The following SPECC1 variants were observed in gnomAD, a reference collection of about 807,000 sequenced individuals.
SPECC1 encodes sperm antigen with calponin homology and coiled-coil domains 1.
Under a neutral mutation model 104.1 loss-of-function variants are expected in SPECC1, and 62 were observed. That is an observed-to-expected ratio of 0.60 (90% CI 0.49 to 0.74). The LOEUF (loss-of-function observed/expected upper bound fraction) is 0.74. Among genes scored for constraint, SPECC1 ranks in the 30% least tolerant of loss-of-function variants. The pLI, the probability that SPECC1 is intolerant of heterozygous loss-of-function variation, is 0.00. For missense variants in SPECC1, 1,306 were observed against 1,310.5 expected (o/e 1.00, Z 0.05); for synonymous variants, 513 against 501.6 (o/e 1.02, Z -0.30).
chr17:20,096,488 A>G, intron 1 of SPECC1, 143 bp from the exon 2 acceptor site: 1 of 974,962 alleles, frequency 1.0e-6, no homozygotes. Flanking sequence ...CCATCTTAGG[A>G]ATATTCTATT....
intron 1 of SPECC1, chr17:20,017,667 G>A (rs1433574703): frequency 6.6e-6 from 1 of 152,144 alleles, no homozygotes; most frequent in East Asian, 1.9e-4. Context: ...GCAAATACAA[G>A]CAAATATGAA....
intron 1 of SPECC1, among the ~76,000 whole-genome samples, chr17:20,035,142 A>T (rs1183462445): frequency 6.6e-6 from 1 of 152,164 alleles, no homozygotes; most frequent in Non-Finnish European, 1.5e-5. Flanking sequence ...GGTTGCATTG[A>T]TCTATAGCTG....
chr17:20,157,160 G>A (rs915740818), intron 3 of SPECC1, among the ~76,000 whole-genome samples: 5 of 152,182 alleles, frequency 3.3e-5, no homozygotes, highest in Middle Eastern at 6.3e-3. Context: ...GTAGGACGCT[G>A]GGTCGTCCTG....
At chr17:20,162,389 G>A (rs987209058) in intron 3 of SPECC1, among the ~76,000 whole-genome samples, 1 of 151,822 alleles carries the variant, frequency 6.6e-6, no homozygotes, top group Non-Finnish European at 1.5e-5. Flanking sequence ...ATTGTGATCC[G>A]CCCACCTTGG....
At chr17:20,247,846 C>T (rs2039482226) in intron 9 of SPECC1, among the ~76,000 whole-genome samples, 2 of 152,154 alleles carry the variant, frequency 1.3e-5, no homozygotes, top group South Asian at 4.1e-4. Context: ...TCAGAGATGA[C>T]TGTAGTTAAG....
intron 1 of SPECC1, among the ~76,000 whole-genome samples, chr17:20,042,679 T>C (rs2045380295): frequency 1.3e-5 from 2 of 152,236 alleles, no homozygotes; most frequent in African/African-American, 4.8e-5. Flanking sequence ...GTGTTCCATC[T>C]CATTAGACTG....
intron 3 of SPECC1, among the ~76,000 whole-genome samples, chr17:20,186,561 G>C (rs535501239): frequency 6.6e-5 from 10 of 152,280 alleles, no homozygotes; most frequent in Non-Finnish European, 8.8e-5. Flanking sequence ...CGTGATTTTT[G>C]TATGTATGTA....
At chr17:20,054,338 C>T (rs1017726033) in intron 1 of SPECC1, among the ~76,000 whole-genome samples, 2 of 152,208 alleles carry the variant, frequency 1.3e-5, no homozygotes, top group African/African-American at 4.8e-5. Context: ...GCAGGGTGTT[C>T]AGCCATCAAA....
chr17:20,301,678 C>T (rs772139192), intron 13 of SPECC1, among the ~76,000 whole-genome samples: 4 of 152,084 alleles, frequency 2.6e-5, no homozygotes, highest in Admixed American at 6.5e-5. Context: ...GTGCGATTTA[C>T]AGTCCATGAA....
At position 20,147,758 on chromosome 17, in the gene SPECC1, AG is replaced by A. The variant is rs372142310; in HGVS notation, c.283+37199del. Among the ~76,000 whole-genome samples the A allele has an allele frequency of 4.6e-5, 7 of 152,354 alleles. No individual in the cohort carries two copies. In the East Asian group the frequency reaches 9.6e-4, roughly 21 times the overall value. Reference sequence around the variant, plus strand: ...TGTATTATTTAAAAATGATAGAGACAGGGTGCAATGGCTCATGCTATAATCC... The same window carrying A: ...TGTATTATTTAAAAATGATAGAGACAGGTGCAATGGCTCATGCTATAATCC... On this transcript the variant is annotated intron_variant, in intron 3 of 14. Coordinates refer to ENST00000395527, the MANE Select transcript of SPECC1 (RefSeq NM_001243439.2).
intron 1 of SPECC1, among the ~76,000 whole-genome samples, chr17:20,063,288 G>A (rs1466337299): frequency 6.6e-6 from 1 of 152,106 alleles, no homozygotes; most frequent in Non-Finnish European, 1.5e-5. Flanking sequence ...CTGTTGGACT[G>A]TTTGTTTCTT....
In SPECC1 at chr17:20,314,710, CAA is replaced by C; in HGVS notation, c.*646_*647del. On this transcript the variant is annotated 3_prime_UTR_variant, in exon 15 of 15. Transcript: ENST00000395527. ...TCCCCCCTCCCCCCCCAAAAAAAAA[CAA>C]CAAAACACAAAAAATAAACATTTGT... 8.8e-6 allele frequency: 1 copy of C among 113,266 alleles called. No individual in the cohort carries two copies. Among genetic ancestry groups the C allele is most frequent in the East Asian group, 1.4e-4 (1 of 7,352 alleles). The allele number at this position is 113,266 out of a possible 1,614,324, so 7.0% of individuals were successfully genotyped here.
chr17:20,302,289 C>T (rs2041614775), intron 13 of SPECC1, among the ~76,000 whole-genome samples: 2 of 152,178 alleles, frequency 1.3e-5, no homozygotes, highest in Admixed American at 1.3e-4. Context: ...ACTGGAAGGT[C>T]CCAGGCCTGC....
intron 1 of SPECC1, among the ~76,000 whole-genome samples, chr17:20,064,449 G>A (rs35191778): frequency 0.29 from 43,972 of 152,154 alleles, 6,872 homozygotes; most frequent in Middle Eastern, 0.43. Context: ...AAATGCAAAT[G>A]TATGCATAGC....
At chr17:20,260,493 T>A (rs2039987325) in intron 12 of SPECC1, among the ~76,000 whole-genome samples, 199 bp downstream of exon 12, 2 of 152,204 alleles carry the variant, frequency 1.3e-5, no homozygotes. Context: ...CAAATGCAAC[T>A]GAAAAACGGT....
intron 1 of SPECC1, among the ~76,000 whole-genome samples, chr17:20,050,383 A>G (rs575215440): frequency 1.3e-5 from 2 of 152,294 alleles, no homozygotes; most frequent in African/African-American, 4.8e-5. Flanking sequence ...ATTCCTGTAT[A>G]TGTTTGAACC....
chr17:20,240,532 C>G (rs2039155435), intron 7 of SPECC1, among the ~76,000 whole-genome samples: 1 of 151,938 alleles, frequency 6.6e-6, no homozygotes, highest in South Asian at 2.1e-4. Flanking sequence ...ATGTCTTCAT[C>G]TACTTGATGC....
At chr17:20,111,484 A>G (rs552532534) in intron 3 of SPECC1, among the ~76,000 whole-genome samples, 11 of 152,230 alleles carry the variant, frequency 7.2e-5, no homozygotes, top group Middle Eastern at 3.2e-3. Flanking sequence ...CTGATATTGT[A>G]TTAAACATAC....
chr17:20,052,987 C>G (rs1258140523), intron 1 of SPECC1, among the ~76,000 whole-genome samples: 3 of 152,136 alleles, frequency 2.0e-5, no homozygotes, highest in African/African-American at 7.2e-5. Flanking sequence ...TTCCTTATCC[C>G]TCAAACAAAG....
Sources: gnomAD v4.1 joint callset for allele counts (sites outside exome capture counted in the v4.1 genomes callset) on GRCh38, gnomAD v4.1.1 for gene constraint, MANE v1.5 for transcripts, NCBI Gene and HGNC (gene_info 2026-07-23, HGNC 2026-07-21) for gene names.